SNURF: variants seen among roughly 807,000 people sequenced by gnomAD.
The protein encoded by SNURF is SNURF protein.
A neutral mutation model predicts 11.6 loss-of-function variants in SNURF; 6 were observed. The observed-to-expected ratio is 0.52, with a 90% CI of 0.28 to 1.02. The LOEUF is 1.02. SNURF is among the 50% of genes least tolerant of loss of function. SNURF has a pLI of 0.09. For missense variants in SNURF, 84 were observed against 88.4 expected (o/e 0.95, Z 0.20); for synonymous variants, 29 against 31.6 (o/e 0.92, Z 0.27).
At chr15:24,974,371 A>G (rs2076821305) in intron 3 of SNURF, 1 of 1,324,094 alleles carries the variant, frequency 7.6e-7, no homozygotes, top group Non-Finnish European at 1.1e-6. Context: ...AACCTGCGTC[A>G]TACCTTTATC....
In SNURF at chr15:24,968,291, G is replaced by A. The variant is rs920018128; in HGVS notation, c.*254G>A. 74 of 394,050 alleles carry A rather than the reference G, an allele frequency of 1.9e-4. No individual in the cohort carries two copies. In the East Asian group the frequency reaches 3.3e-3, roughly 17 times the overall value. 24.4% of individuals were successfully genotyped at this position (394,050 alleles called of 1,614,324 possible). A position where few individuals can be genotyped will look rare whatever the true frequency, so the allele number is the denominator to read the frequency against. On this transcript the variant is annotated 3_prime_UTR_variant, in exon 3 of 3. Transcript: ENST00000577949. ...GTTTCTGTATTCCAGTTATTGTAGC[G>A]CATGCTTTTCAGGTAGTTTTCTTTT...
intron 5 of SNURF, chr15:24,976,548 T>C: frequency 1.4e-6 from 1 of 721,936 alleles, no homozygotes; most frequent in South Asian, 1.7e-5. Flanking sequence ...GCACTTAATA[T>C]CAATTGTTGG....
At chr15:24,968,615 A>G (rs182231923), downstream of SNURF, among the ~76,000 whole-genome samples, 27 of 152,268 alleles carry the variant, frequency 1.8e-4, no homozygotes, top group Admixed American at 1.6e-3. Flanking sequence ...ACATACTTTC[A>G]CAGCATTATT....
exon 3 of SNURF, chr15:24,968,202 C>T (rs530285657): frequency 3.1e-6 from 2 of 655,344 alleles, no homozygotes; most frequent in African/African-American, 3.6e-5. Context: ...ACAATAAACA[C>T]ATTGCAGAAA....
intron 1 of SNURF, among the ~76,000 whole-genome samples, chr15:24,960,112 A>G (rs563457467): frequency 6.6e-6 from 1 of 152,044 alleles, no homozygotes; most frequent in Non-Finnish European, 1.5e-5. Context: ...TATAAATACA[A>G]AAATTAGCTG....
exon 3 of SNURF, chr15:24,967,997 T>C (rs1452907932): frequency 6.2e-7 from 1 of 1,613,984 alleles, no homozygotes; most frequent in Non-Finnish European, 8.5e-7. Flanking sequence ...CAGGCTGAAC[T>C]GAGGCAGGCA....
intron 2 of SNURF, among the ~76,000 whole-genome samples, 163 bp from the exon 3 acceptor site, chr15:24,967,769 T>C (rs1426462947): frequency 2.1e-5 from 3 of 143,078 alleles, no homozygotes; most frequent in Non-Finnish European, 3.0e-5. Flanking sequence ...AATTGCTTCA[T>C]TGCACTCCAG....
chr15:24,972,284 T>C (rs530550919), downstream of SNURF, among the ~76,000 whole-genome samples: 3 of 150,448 alleles, frequency 2.0e-5, no homozygotes, highest in East Asian at 5.9e-4. Flanking sequence ...ATATTGCTAA[T>C]GAGTCTCATA....
chr15:24,955,007 G>C (rs1232431999), exon 1 of SNURF: 1 of 1,611,774 alleles, frequency 6.2e-7, no homozygotes, highest in Non-Finnish European at 8.5e-7. Flanking sequence ...GCGGCCGCCG[G>C]AGATGCCTGA....
At chr15:24,967,972 C>G (rs1028572483) in exon 3 of SNURF, 5 of 1,613,866 alleles carry the variant, frequency 3.1e-6, no homozygotes, top group African/African-American at 2.7e-5. Context: ...GCAGCAAGTA[C>G]CTGTGGTGGA....
chr15:24,976,443 A>G, intron 5 of SNURF: 3 of 1,458,062 alleles, frequency 2.1e-6, no homozygotes, highest in Non-Finnish European at 2.9e-6. Context: ...GCAGGACAGA[A>G]CTTTAATTTG....
chr15:24,978,425 T>A (rs1213965586), downstream of SNURF: 1 of 1,613,928 alleles, frequency 6.2e-7, no homozygotes, highest in Non-Finnish European at 8.5e-7. Flanking sequence ...CCCCCAGGAA[T>A]GCGTCCACCA....
At chr15:24,974,901 T>G (rs1223675402) in intron 3 of SNURF, 1 of 702,612 alleles carries the variant, frequency 1.4e-6, no homozygotes, top group East Asian at 2.7e-5. Context: ...ATACAGGAGT[T>G]TTTGGTCATG....
downstream of SNURF, chr15:24,978,314 T>C: frequency 1.2e-6 from 2 of 1,614,116 alleles, no homozygotes; most frequent in Non-Finnish European, 1.7e-6. Context: ...CACCAGGCAT[T>C]AGAGGTGAGT....
chr15:24,976,860 G>A, intron 5 of SNURF: 1 of 1,604,262 alleles, frequency 6.2e-7, no homozygotes, highest in South Asian at 1.1e-5. Flanking sequence ...TTTAGGCTAT[G>A]AATTTTCTTG....
intron 3 of SNURF, chr15:24,974,271 G>T (rs1457140570): frequency 6.6e-6 from 4 of 608,898 alleles, no homozygotes; most frequent in Non-Finnish European, 1.2e-5. Flanking sequence ...TTTAAAACAT[G>T]GTAGATTGCA....
At chr15:24,975,770 A>T (rs1312731025) in intron 4 of SNURF, among the ~76,000 whole-genome samples, 1 of 152,194 alleles carries the variant, frequency 6.6e-6, no homozygotes, top group Non-Finnish European at 1.5e-5. Context: ...ATTTATTTTT[A>T]AAATTGAGAA....
exon 3 of SNURF, chr15:24,968,136 G>A (rs1179891875): frequency 4.8e-6 from 5 of 1,044,774 alleles, no homozygotes; most frequent in East Asian, 2.4e-5. Context: ...AGAATGGGGT[G>A]TTGGGGGTTC....
At chr15:24,963,334 A>G (rs2075131314) in intron 2 of SNURF, among the ~76,000 whole-genome samples, 1 of 152,222 alleles carries the variant, frequency 6.6e-6, no homozygotes, top group Non-Finnish European at 1.5e-5. Context: ...AACGCAGTGT[A>G]GGCCAGGCAT....
Sources: allele counts gnomAD v4.1 joint callset (sites outside exome capture counted in the v4.1 genomes callset), GRCh38; gene constraint gnomAD v4.1.1; transcripts MANE v1.5; gene names NCBI Gene and HGNC (gene_info 2026-07-23, HGNC 2026-07-21).